The following SYT1 variants were observed in gnomAD, a reference collection of about 807,000 sequenced individuals.
SYT1 encodes the protein synaptotagmin-1.
In SYT1, 8 loss-of-function variants were observed where a neutral mutation model predicts 44.8. The ratio of observed to expected loss-of-function variants is 0.18; its 90% CI spans 0.10 to 0.32. SYT1 has a LOEUF of 0.32. Among genes scored for constraint, SYT1 ranks in the 10% least tolerant of loss-of-function variants. SYT1 has a pLI of 1.00. For missense variants in SYT1, 286 were observed against 509.3 expected (o/e 0.56, Z 4.22); for synonymous variants, 154 against 188.8 (o/e 0.82, Z 1.51).
At chr12:79,177,114 T>C (rs1871933116) in intron 3 of SYT1, among the ~76,000 whole-genome samples, 1 of 132,986 alleles carries the variant, frequency 7.5e-6, no homozygotes, top group African/African-American at 2.9e-5. Flanking sequence ...GTTACATATG[T>C]ATACATGTGC....
At chr12:79,439,616 T>C (rs1208438197) in intron 9 of SYT1, among the ~76,000 whole-genome samples, 9 of 152,162 alleles carry the variant, frequency 5.9e-5, no homozygotes. Context: ...AAAACCATAG[T>C]AATAATTAAC....
intron 1 of SYT1, among the ~76,000 whole-genome samples, chr12:78,927,344 C>G (rs1203867929): frequency 6.6e-6 from 1 of 152,122 alleles, no homozygotes; most frequent in African/African-American, 2.4e-5. Flanking sequence ...TCCTTGGGCT[C>G]TTTTGAACAC....
intron 4 of SYT1, among the ~76,000 whole-genome samples, chr12:79,258,830 C>G (rs780973123): frequency 1.3e-5 from 2 of 152,168 alleles, no homozygotes; most frequent in East Asian, 3.9e-4. Context: ...TTTTACTTGA[C>G]TTAATTTTAA....
At chr12:79,229,187 T>C (rs1045639109) in intron 4 of SYT1, among the ~76,000 whole-genome samples, 3 of 152,200 alleles carry the variant, frequency 2.0e-5, no homozygotes, top group African/African-American at 7.2e-5. Context: ...GTCCTTCCAA[T>C]ACATGGGGCA....
At chr12:79,097,245 C>T (rs1033191071) in intron 3 of SYT1, among the ~76,000 whole-genome samples, 11 of 151,892 alleles carry the variant, frequency 7.2e-5, no homozygotes, top group African/African-American at 2.7e-4. Context: ...TTGAGACTGT[C>T]CAAAGAATAC....
intron 3 of SYT1, among the ~76,000 whole-genome samples, chr12:79,188,690 T>C (rs926531005): frequency 1.3e-5 from 2 of 152,132 alleles, no homozygotes; most frequent in African/African-American, 4.8e-5. Context: ...TTTTCTATCT[T>C]GAGGGAAAAG....
intron 9 of SYT1, among the ~76,000 whole-genome samples, chr12:79,409,008 G>A (rs542348155): frequency 1.5e-4 from 22 of 151,628 alleles, no homozygotes; most frequent in Non-Finnish European, 2.5e-4. Context: ...ATTTCTCATC[G>A]GGCCAGCATT....
chr12:79,081,904 G>C (rs1030791114), intron 3 of SYT1, among the ~76,000 whole-genome samples: 1 of 152,104 alleles, frequency 6.6e-6, no homozygotes, highest in Admixed American at 6.5e-5. Flanking sequence ...TCATCTCACT[G>C]TAAAGGAGTA....
intron 1 of SYT1, among the ~76,000 whole-genome samples, chr12:78,934,613 C>T (rs983091138): frequency 1.3e-5 from 2 of 152,034 alleles, no homozygotes; most frequent in African/African-American, 4.8e-5. Flanking sequence ...ATTGAAAACA[C>T]CTGTCACGCA....
chr12:79,076,457 T>C (rs1234031144), intron 3 of SYT1, among the ~76,000 whole-genome samples: 3 of 152,200 alleles, frequency 2.0e-5, no homozygotes, highest in African/African-American at 7.2e-5. Context: ...CTATTTTATA[T>C]GTTGTTACTC....
intron 8 of SYT1, among the ~76,000 whole-genome samples, chr12:79,309,251 C>G (rs116566226): frequency 1.9e-3 from 286 of 152,322 alleles, no homozygotes; most frequent in African/African-American, 6.5e-3. Flanking sequence ...AGGCGCCAAA[C>G]AGTACGAAAG....
At chr12:79,018,182 A>G (rs1455562833) in intron 2 of SYT1, among the ~76,000 whole-genome samples, 1 of 151,854 alleles carries the variant, frequency 6.6e-6, no homozygotes, top group African/African-American at 2.4e-5. Context: ...TGATGAGTTC[A>G]TGTCCTTTGT....
chr12:79,346,910 G>T (rs914490669), intron 8 of SYT1, among the ~76,000 whole-genome samples: 2 of 152,262 alleles, frequency 1.3e-5, no homozygotes, highest in Non-Finnish European at 2.9e-5. Context: ...TTGAGCTCAC[G>T]TGTAAGAAAT....
intron 9 of SYT1, among the ~76,000 whole-genome samples, chr12:79,383,624 A>G (rs1006754249): frequency 4.6e-5 from 7 of 152,310 alleles, no homozygotes; most frequent in East Asian, 1.9e-4. Flanking sequence ...AATTTACAGT[A>G]TTAGACAAAA....
intron 4 of SYT1, among the ~76,000 whole-genome samples, chr12:79,272,684 A>G (rs906570221): frequency 6.6e-6 from 1 of 152,178 alleles, no homozygotes; most frequent in African/African-American, 2.4e-5. Flanking sequence ...GGCATGGGAA[A>G]GCATGTGCTC....
At chr12:79,033,439 T>C (rs1207111004) in intron 2 of SYT1, among the ~76,000 whole-genome samples, 1 of 151,438 alleles carries the variant, frequency 6.6e-6, no homozygotes, top group Non-Finnish European at 1.5e-5. Context: ...TGAATTCTCC[T>C]CTGAATAAAT....
At chr12:79,337,942 C>G (rs1882164377) in intron 8 of SYT1, among the ~76,000 whole-genome samples, 1 of 152,158 alleles carries the variant, frequency 6.6e-6, no homozygotes, top group Admixed American at 6.5e-5. Context: ...CAGGTGAGGA[C>G]AGGAAAGTAG....
At chr12:79,422,923 C>A (rs1869206732) in intron 9 of SYT1, among the ~76,000 whole-genome samples, 2 of 152,070 alleles carry the variant, frequency 1.3e-5, no homozygotes, top group South Asian at 4.1e-4. Flanking sequence ...GGTATCTTTA[C>A]CGATACATGC....
intron 2 of SYT1, 88 bp from the exon 3 acceptor site, chr12:79,047,209 T>C (rs1874134940): frequency 6.6e-6 from 1 of 151,586 alleles, no homozygotes. Flanking sequence ...GTAGAAATAT[T>C]AAATAATAAA....
Sources: gnomAD v4.1 joint callset for allele counts (sites outside exome capture counted in the v4.1 genomes callset) on GRCh38, gnomAD v4.1.1 for gene constraint, MANE v1.5 for transcripts, NCBI Gene and HGNC (gene_info 2026-07-23, HGNC 2026-07-21) for gene names.